The following EFR3B variants were observed in gnomAD, a reference collection of about 807,000 sequenced individuals.
The protein encoded by EFR3B is protein EFR3 homolog B.
In EFR3B, 64 loss-of-function variants were observed where a neutral mutation model predicts 104.7. That is an observed-to-expected ratio of 0.61 (90% CI 0.50 to 0.75). EFR3B has a LOEUF of 0.75. Ranked by LOEUF, EFR3B falls within the 30% of genes least tolerant of loss-of-function variation. The pLI, the probability that EFR3B is intolerant of heterozygous loss-of-function variation, is 0.00. For missense variants in EFR3B, 750 were observed against 1,078.5 expected (o/e 0.70, Z 4.27); for synonymous variants, 385 against 417.9 (o/e 0.92, Z 0.96).
intron 5 of EFR3B, among the ~76,000 whole-genome samples, chr2:25,126,042 A>AT (rs1216319394): frequency 6.6e-6 from 1 of 152,230 alleles, no homozygotes; most frequent in Non-Finnish European, 1.5e-5. Flanking sequence ...AAATGTGAGG[A>AT]TTTTTTGGAG....
chr2:25,111,409 A>T (rs1018238569), intron 4 of EFR3B, among the ~76,000 whole-genome samples: 1 of 150,730 alleles, frequency 6.6e-6, no homozygotes, highest in African/African-American at 2.4e-5. Flanking sequence ...GATCACGCCC[A>T]TTTCTCCCTG....
chr2:25,097,417 C>T (rs188358679), intron 3 of EFR3B, among the ~76,000 whole-genome samples: 39 of 152,260 alleles, frequency 2.6e-4, no homozygotes, highest in African/African-American at 9.1e-4. Context: ...TATTCTCATG[C>T]AGACAGGGTG....
Position 25,131,633 on chromosome 2 carries a change from G to A in EFR3B, c.986-117G>A, listed in dbSNP as rs1670338210. The A allele has an allele frequency of 2.0e-6, 3 of 1,492,162 alleles. No individual in the cohort carries two copies. The highest frequency in any genetic ancestry group is 1.4e-5 in the African/African-American group (1 of 71,756). The allele number at this position is 1,492,162 out of a possible 1,614,324, so 92.4% of individuals were successfully genotyped here. On this transcript the variant is annotated intron_variant, in intron 9 of 22. Transcript: ENST00000403714. This position sits in a 1 kb window ranked among gnomAD's most constrained non-coding sequence, Gnocchi z 7.6. ...TCGGGAGAAGTCCGCCAGGAAGTTG[G>A]GAGCGCAGAGGAAGCCCAGGCTGGA...
rs562768983 is a variant in EFR3B at position 25,074,538 on chromosome 2, C to T, written c.8-16787C>T. ...CAAGTTTGCGCCACTGCACTCCAGT[C>T]TGAGTGACAGAGCGAGACTCCATCT... On this transcript the variant is annotated intron_variant, in intron 1 of 22. Transcript: ENST00000403714. Among the ~76,000 whole-genome samples, 15 of 151,218 alleles carry T rather than the reference C, an allele frequency of 9.9e-5. No individual in the cohort carries two copies. In the East Asian group the frequency reaches 2.5e-3, roughly 26 times the overall value.
intron 3 of EFR3B, among the ~76,000 whole-genome samples, chr2:25,101,676 T>G (rs1421658308): frequency 1.3e-5 from 2 of 152,202 alleles, no homozygotes; most frequent in African/African-American, 4.8e-5. Flanking sequence ...GGCAATGTTT[T>G]AGTCATGTGG....
rs142025283 is a variant in EFR3B at position 25,048,415 on chromosome 2, A to G, written c.7+6096A>G. Among the ~76,000 whole-genome samples the G allele has an allele frequency of 8.9e-4, 136 of 152,322 alleles. 1 individual carries two copies. Among genetic ancestry groups the G allele is most frequent in the African/African-American group, 3.0e-3 (125 of 41,568 alleles). ...CTTGGCTATCATTTTTAATGTCTAC[A>G]TAACGGTGCACTGAAAGGATGTATA... On this transcript the variant is annotated intron_variant, in intron 1 of 22. Transcript: ENST00000403714.
chr2:25,074,490 G>A (rs1227411788), intron 1 of EFR3B, among the ~76,000 whole-genome samples: 16 of 151,394 alleles, frequency 1.1e-4, no homozygotes, highest in Non-Finnish European at 1.6e-4. Flanking sequence ...GCTTGAACCC[G>A]GGAGGCAGAG....
chr2:25,049,952 TAAAAAA>T (rs59279308), intron 1 of EFR3B, among the ~76,000 whole-genome samples: 4 of 104,858 alleles, frequency 3.8e-5, no homozygotes, highest in South Asian at 3.2e-4. Flanking sequence ...ACATTTCTAC[TAAAAAA>T]AAAAAAAAAA....
chr2:25,131,531 C>T lies in EFR3B; in HGVS notation c.985+28C>T. 6.5e-7 allele frequency: 1 copy of T among 1,545,454 alleles called. No homozygotes were observed. On this transcript the variant is annotated intron_variant, in intron 9 of 22. Transcript: ENST00000403714. This position sits in a 1 kb window ranked among gnomAD's most constrained non-coding sequence, Gnocchi z 7.6. ...AAGGGGCATGGCTAGGGCCTGAGGGCCGGGGACCCCGCGGAGGCTGCCGCC... is the reference window on the plus strand; with the variant it reads ...AAGGGGCATGGCTAGGGCCTGAGGGTCGGGGACCCCGCGGAGGCTGCCGCC...
Position 25,137,233 on chromosome 2 carries a change from GGC to G in EFR3B, c.1561-107_1561-106del, listed in dbSNP as rs962261250. 5.4e-6 allele frequency: 7 copies of G among 1,296,778 alleles called. No individual in the cohort carries two copies. The African/African-American group carries it at 1.0e-4, about 19-fold the overall frequency. The allele number at this position is 1,296,778 out of a possible 1,614,324, so 80.3% of individuals were successfully genotyped here. Reference sequence around the variant, plus strand: ...GCATCCCCTCCCCAAGGGAGGAGGGGGCACACAGCCATCCTGCCCCCCTTCAG... The same window carrying G: ...GCATCCCCTCCCCAAGGGAGGAGGGGACACAGCCATCCTGCCCCCCTTCAG... On this transcript the variant is annotated intron_variant, in intron 14 of 22. Coordinates refer to ENST00000403714, the MANE Select transcript of EFR3B (RefSeq NM_014971.2). The surrounding 1 kb of genome is among the most constrained non-coding windows in gnomAD (Gnocchi z 4.7).
chr2:25,098,132 T>C (rs1465421069), intron 3 of EFR3B, among the ~76,000 whole-genome samples: 1 of 151,940 alleles, frequency 6.6e-6, no homozygotes, highest in Admixed American at 6.6e-5. Context: ...CATCCCTCCC[T>C]TCCTGAGCTG....
intron 4 of EFR3B, among the ~76,000 whole-genome samples, chr2:25,118,379 A>C (rs1225692057): frequency 3.3e-5 from 5 of 152,182 alleles, no homozygotes; most frequent in African/African-American, 1.2e-4. Context: ...TTCCAGGTTC[A>C]TCCATGTTGT....
chr2:25,138,941 A>T, intron 15 of EFR3B, 118 bp from the exon 16 acceptor site: 1 of 1,391,942 alleles, frequency 7.2e-7, no homozygotes, highest in Non-Finnish European at 9.8e-7. Flanking sequence ...GCTGAGAAAG[A>T]CTTAGTCTAG....
At position 25,130,235 on chromosome 2, in the gene EFR3B, C is replaced by A; in HGVS notation, c.770+126C>A. On this transcript the variant is annotated intron_variant, in intron 7 of 22. Transcript: ENST00000403714. The surrounding 1 kb of genome is among the most constrained non-coding windows in gnomAD (Gnocchi z 4.6). ...TTGTGGTGCCGCAGCCGAGTCGATC[C>A]CTTCCCTGTGCCTGTGTTCCCTGCA... The A allele has an allele frequency of 7.1e-7, 1 of 1,403,906 alleles. No homozygotes were observed. Among genetic ancestry groups the A allele is most frequent in the Non-Finnish European group, 9.6e-7 (1 of 1,040,604 alleles). 87.0% of individuals were successfully genotyped at this position (1,403,906 alleles called of 1,614,324 possible).
Position 25,131,570 on chromosome 2 carries a change from G to A in EFR3B, c.985+67G>A. The A allele has an allele frequency of 6.5e-7, 1 of 1,537,860 alleles. No homozygotes were observed. Among genetic ancestry groups the A allele is most frequent in the Non-Finnish European group, 8.8e-7 (1 of 1,139,224 alleles). On this transcript the variant is annotated intron_variant, in intron 9 of 22. Coordinates refer to ENST00000403714, the MANE Select transcript of EFR3B (RefSeq NM_014971.2). This position sits in a 1 kb window ranked among gnomAD's most constrained non-coding sequence, Gnocchi z 7.6. ...GAGGCTGCCGCCTCTTACAGAGAGA[G>A]GCAAGGGACAACAGGGAGGGGTCGG... is the stretch of plus-strand genomic sequence containing the variant.
At chr2:25,084,153 T>A (rs1251207397) in intron 1 of EFR3B, among the ~76,000 whole-genome samples, 3 of 152,196 alleles carry the variant, frequency 2.0e-5, no homozygotes, top group Non-Finnish European at 4.4e-5. Flanking sequence ...AAAATGAGGA[T>A]AAAAATAGTA....
chr2:25,095,221 T>C (rs1669244555), intron 3 of EFR3B, among the ~76,000 whole-genome samples: 1 of 152,232 alleles, frequency 6.6e-6, no homozygotes, highest in Non-Finnish European at 1.5e-5. Context: ...TTATGGTGTA[T>C]GTCATTTGAT....
intron 16 of EFR3B, 135 bp downstream of exon 16, chr2:25,139,325 G>A (rs6718083): frequency 0.24 from 273,110 of 1,133,504 alleles, 36,322 homozygotes; most frequent in Admixed American, 0.4. Context: ...ACCACTAATG[G>A]TGAGAAGTTA....
At chr2:25,088,907 A>C (rs1019865532) in intron 1 of EFR3B, among the ~76,000 whole-genome samples, 2 of 152,084 alleles carry the variant, frequency 1.3e-5, no homozygotes, top group Non-Finnish European at 2.9e-5. Flanking sequence ...TTCCCCTGTT[A>C]TTCTTTAGGC....
Sources: allele counts gnomAD v4.1 joint callset (sites outside exome capture counted in the v4.1 genomes callset), GRCh38; gene constraint gnomAD v4.1.1; non-coding constraint Gnocchi (gnomAD v3.1); transcripts MANE v1.5; gene names NCBI Gene and HGNC (gene_info 2026-07-23, HGNC 2026-07-21).